The following ASMTL variants were observed in gnomAD, a reference collection of about 807,000 sequenced individuals.
The protein encoded by ASMTL is acetylserotonin O-methyltransferase like, also known as probable bifunctional dTTP/UTP pyrophosphatase/methyltransferase protein.
A neutral mutation model predicts 60.3 loss-of-function variants in ASMTL; 57 were observed. That is an observed-to-expected ratio of 0.95 (90% CI 0.76 to 1.18). The LOEUF is 1.18. Among genes scored for constraint, ASMTL ranks in the 50% most tolerant of loss-of-function variants. The probability of loss-of-function intolerance (pLI) is 0.00; values close to 1 mark genes in which losing one functional copy is unlikely to be tolerated. For synonymous variants in ASMTL, 419 were observed against 373.0 expected, an observed-to-expected ratio of 1.12 and a Z score of -1.42; for missense variants, 981 against 852.6, an observed-to-expected ratio of 1.15 and a Z score of -1.88.
intron 8 of ASMTL, 85 bp downstream of exon 8, chrX:1,425,440 C>T (rs5949077): frequency 0.73 from 1,081,508 of 1,484,260 alleles, 397,733 homozygotes; most frequent in South Asian, 0.86. Context: ...CCTCCTTCCT[C>T]GCTCTGCCCA....
intron 1 of ASMTL, among the ~76,000 whole-genome samples, chrX:1,445,854 G>A (rs1286857153): frequency 1.3e-5 from 2 of 152,122 alleles, no homozygotes; most frequent in Non-Finnish European, 2.9e-5. Flanking sequence ...GGGACATGGT[G>A]AGGTGCGACC....
chrX:1,421,565 C>T (rs1276241931), intron 9 of ASMTL, 93 bp downstream of exon 9: 3 of 1,370,804 alleles, frequency 2.2e-6, no homozygotes, highest in South Asian at 1.3e-5. Context: ...AGACTGGAGA[C>T]AGACTGGTCA....
chrX:1,407,072 G>A lies in ASMTL; in HGVS notation c.1646-3583C>T, dbSNP rs1388691937. On this transcript the variant is annotated intron_variant, in intron 12 of 12. Transcript: ENST00000381317. ...TGGATGGATGGATGGATGCATGCAT[G>A]GATGAGATGGATGGGTGAACTGATG... Among the ~76,000 whole-genome samples, 69 of 150,044 alleles carry A rather than the reference G, an allele frequency of 4.6e-4. 1 individual carries two copies. Among genetic ancestry groups the A allele is most frequent in the African/African-American group, 1.6e-3 (63 of 40,016 alleles).
chrX:1,417,752 AGACATG>A (rs2090347314), intron 11 of ASMTL, among the ~76,000 whole-genome samples: 1 of 142,230 alleles, frequency 7.0e-6, no homozygotes, highest in Non-Finnish European at 1.5e-5. Context: ...GCTCACGCAC[AGACATG>A]CTCCATGTCA....
In ASMTL at chrX:1,425,606, T is replaced by G; in HGVS notation, c.979A>C (p.Lys327Gln). 1 of 1,613,804 alleles carries G rather than the reference T, an allele frequency of 6.2e-7. No individual in the cohort carries two copies. The highest frequency in any genetic ancestry group is 8.5e-7 in the Non-Finnish European group (1 of 1,179,820). The change falls in exon 8 of 13, where the codon AAA becomes CAA. Residue 327 changes from lysine (K) to glutamine (Q), a missense_variant. Transcript: ENST00000381317. ...APQKAADIASKVDASACGMER... is the reference protein window; with the variant it reads ...APQKAADIASQVDASACGMER... ...ATTCCACACGCAGAGGCGTCCACTT[T>G]GCTGGCAATATCCGCAGCCTTCTGG... is the stretch of plus-strand genomic sequence containing the variant.
chrX:1,449,542 A>T (rs767954921), intron 1 of ASMTL, among the ~76,000 whole-genome samples: 1 of 151,916 alleles, frequency 6.6e-6, no homozygotes, highest in Admixed American at 6.6e-5. Flanking sequence ...CGTAGTCCCC[A>T]AGAGTAGACT....
intron 9 of ASMTL, among the ~76,000 whole-genome samples, chrX:1,420,565 G>A (rs1401291705): frequency 1.3e-5 from 2 of 152,164 alleles, no homozygotes; most frequent in Non-Finnish European, 2.9e-5. Flanking sequence ...GACTCCCCAC[G>A]CCTGGCTGGC....
chrX:1,413,165 C>A (rs1213153803), intron 11 of ASMTL: 1 of 358,564 alleles, frequency 2.8e-6, no homozygotes, highest in Non-Finnish European at 5.3e-6. Flanking sequence ...GAGTTCGAGA[C>A]CAGCCTGGGC....
intron 12 of ASMTL, 78 bp from the exon 13 acceptor site, chrX:1,403,567 G>T: frequency 7.4e-7 from 1 of 1,342,972 alleles, no homozygotes; most frequent in Non-Finnish European, 1.1e-6. Flanking sequence ...GACACAGCAG[G>T]CAACAGGAGC....
rs773058589 is a variant in ASMTL, at chrX:1,405,944, GGATGAGTA to G, written c.1646-2463_1646-2456del. 1.8e-3 allele frequency among the ~76,000 whole-genome samples: 275 copies of G among 151,628 alleles called. 1 individual carries two copies. The highest frequency in any genetic ancestry group is 6.8e-3 in the Middle Eastern group (2 of 294). Reference sequence around the variant, plus strand: ...TAGATGAGTGGATGGATGGATGAATGGATGAGTAGATGGTAGATGATGGGTACGTAGAT... The same window carrying G: ...TAGATGAGTGGATGGATGGATGAATGGATGGTAGATGATGGGTACGTAGAT... On this transcript the variant is annotated intron_variant, in intron 12 of 12. Coordinates refer to ENST00000381317, the MANE Select transcript of ASMTL (RefSeq NM_004192.4).
At chrX:1,417,576 A>G (rs1177677941) in intron 11 of ASMTL, among the ~76,000 whole-genome samples, 2 of 145,398 alleles carry the variant, frequency 1.4e-5, no homozygotes, top group Non-Finnish European at 3.0e-5. Context: ...ATATGCACAC[A>G]GACACCCACC....
At chrX:1,413,909 G>T (rs1439745498) in intron 11 of ASMTL, 1 of 148,434 alleles carries the variant, frequency 6.7e-6, no homozygotes, top group Non-Finnish European at 1.5e-5. Context: ...CTCTCAGAAA[G>T]AATCAAACAC....
rs1403437187 is a variant in ASMTL at position 1,418,888 on chromosome X, T to C, written c.1378+94A>G. On this transcript the variant is annotated intron_variant, in intron 10 of 12. Transcript: ENST00000381317. ...TTCAGGTCGTTATCAGGTTTGTCAA[T>C]GGAAAAAGGCAGTTGGTAGGTGTCC... 12 of 1,512,260 alleles carry C rather than the reference T, an allele frequency of 7.9e-6. No homozygotes were observed. In the African/African-American group the frequency reaches 1.6e-4, roughly 21 times the overall value. 93.7% of individuals were successfully genotyped at this position (1,512,260 alleles called of 1,614,324 possible).
Position 1,403,203 on chromosome X carries a change from G to C in ASMTL, c.*66C>G, listed in dbSNP as rs1159941720. On this transcript the variant is annotated 3_prime_UTR_variant, in exon 13 of 13. Transcript: ENST00000381317. ...CCTATGTGACTGTCCTATGGTACTTGGGGACCGGGCGGTCCACCTGCAGCC... is the reference window on the plus strand; with the variant it reads ...CCTATGTGACTGTCCTATGGTACTTCGGGACCGGGCGGTCCACCTGCAGCC... 2.1e-5 allele frequency: 28 copies of C among 1,351,176 alleles called. 1 individual carries two copies. The highest frequency in any genetic ancestry group is 1.6e-4 in the African/African-American group (11 of 69,858). The allele number at this position is 1,351,176 out of a possible 1,614,324, so 83.7% of individuals were successfully genotyped here. A position where few individuals can be genotyped will look rare whatever the true frequency, so the allele number is the denominator to read the frequency against.
intron 6 of ASMTL, among the ~76,000 whole-genome samples, chrX:1,430,900 A>G (rs2090754513): frequency 6.9e-6 from 1 of 143,962 alleles, no homozygotes; most frequent in South Asian, 2.1e-4. Flanking sequence ...ATATAATTAT[A>G]TATTTATATA....
intron 10 of ASMTL, 155 bp downstream of exon 10, chrX:1,418,827 A>G (rs1186924346): frequency 4.4e-6 from 2 of 454,900 alleles, no homozygotes; most frequent in Non-Finnish European, 5.8e-6. Context: ...GAACTTGGGA[A>G]TATCCACCCA....
rs1332479520 is a variant in ASMTL at position 1,419,488 on chromosome X, TGCAGGTGCCC to T, written c.1246-384_1246-375del. Among the ~76,000 whole-genome samples, 4 of 152,134 alleles carry T rather than the reference TGCAGGTGCCC, an allele frequency of 2.6e-5. No homozygotes were observed. The East Asian group carries it at 7.7e-4, about 29-fold the overall frequency. ...ACCAGGAGAGAAGCCACAATGTCTCTGCAGGTGCCCCGGCTCAGCCTTCACCACAATGGTG... is the reference window on the plus strand; with the variant it reads ...ACCAGGAGAGAAGCCACAATGTCTCTCGGCTCAGCCTTCACCACAATGGTG... On this transcript the variant is annotated intron_variant, in intron 9 of 12. Coordinates refer to ENST00000381317, the MANE Select transcript of ASMTL (RefSeq NM_004192.4).
intron 3 of ASMTL, among the ~76,000 whole-genome samples, chrX:1,437,394 T>C (rs771609005): frequency 8.5e-4 from 114 of 133,784 alleles, no homozygotes; most frequent in South Asian, 2.0e-3. Context: ...TCTTCCATAA[T>C]CCTGGAGTCT....
At position 1,433,543 on chromosome X, in the gene ASMTL, G is replaced by C. The variant is rs868312603; in HGVS notation, c.401-1166C>G. Among the ~76,000 whole-genome samples the C allele has an allele frequency of 1.4e-4, 21 of 151,168 alleles. No homozygotes were observed. In the South Asian group the frequency reaches 4.4e-3, roughly 32 times the overall value. On this transcript the variant is annotated intron_variant, in intron 5 of 12. Coordinates refer to ENST00000381317, the MANE Select transcript of ASMTL (RefSeq NM_004192.4). ...AAAAAATAGAAAAAATTAGCCGGGC[G>C]TGGTGGCGGGCCCGTCGTCCCAGCT...
Sources: gnomAD v4.1 joint callset for allele counts (sites outside exome capture counted in the v4.1 genomes callset) on GRCh38, gnomAD v4.1.1 for gene constraint, MANE v1.5 for transcripts, NCBI Gene and HGNC (gene_info 2026-07-23, HGNC 2026-07-21) for gene names.